AIG1: variants seen among roughly 807,000 people sequenced by gnomAD.
AIG1 encodes the protein androgen-induced gene 1 protein.
AIG1 carries 23 observed loss-of-function variants against 31.4 expected under a neutral mutation model. The ratio of observed to expected loss-of-function variants is 0.73; its 90% CI spans 0.53 to 1.04. The LOEUF is 1.04. Among genes scored for constraint, AIG1 ranks in the 50% least tolerant of loss-of-function variants. AIG1 has a pLI of 0.00. For synonymous variants in AIG1, 100 were observed against 110.5 expected (o/e 0.90, Z 0.60); for missense variants, 274 against 295.0 (o/e 0.93, Z 0.52).
chr6:143,148,608 T>C (rs747099062), intron 2 of AIG1, among the ~76,000 whole-genome samples: 20 of 152,214 alleles, frequency 1.3e-4, no homozygotes, highest in Non-Finnish European at 2.4e-4. Flanking sequence ...GGAGGATTGC[T>C]TGAAGCCAGG....
intron 3 of AIG1, among the ~76,000 whole-genome samples, chr6:143,227,705 A>G (rs1311005892): frequency 6.6e-6 from 1 of 152,110 alleles, no homozygotes; most frequent in Non-Finnish European, 1.5e-5. Context: ...TGATGCAAAA[A>G]CGAAGATTTA....
At chr6:143,213,508 C>CTTTTTT (rs746350692) in intron 3 of AIG1, among the ~76,000 whole-genome samples, 4 of 61,196 alleles carry the variant, frequency 6.5e-5, no homozygotes, top group Non-Finnish European at 7.0e-5. Context: ...TTTCTTTCTT[C>CTTTTTT]TTTTTTTTTT....
rs60620136 is a variant in AIG1, at chr6:143,143,500, C to CAA, written c.297+6538_297+6539dup. On this transcript the variant is annotated intron_variant, in intron 2 of 5. Transcript: ENST00000357847. ...TGGGTGACAGAGCGAGACTTCATCT[C>CAA]AAAAAAAAAAAAAAAAAAAAAAAAA... 1.7e-3 allele frequency among the ~76,000 whole-genome samples: 46 copies of CAA among 27,480 alleles called. 6 individuals carry two copies. Among genetic ancestry groups the CAA allele is most frequent in the East Asian group, 0.012 (2 of 162 alleles). 18.0% of individuals were successfully genotyped at this position (27,480 alleles called of 152,430 possible). A position where few individuals can be genotyped will look rare whatever the true frequency, so the allele number is the denominator to read the frequency against.
At chr6:143,300,494 C>T (rs11754065) in intron 4 of AIG1, among the ~76,000 whole-genome samples, 20,270 of 152,030 alleles carry the variant, frequency 0.13, 1,586 homozygotes, top group East Asian at 0.36. Context: ...GCCAGGATTC[C>T]CAGTGTAATC....
chr6:143,273,809 C>T (rs931164329), intron 3 of AIG1, among the ~76,000 whole-genome samples: 2 of 152,090 alleles, frequency 1.3e-5, no homozygotes, highest in African/African-American at 4.8e-5. Context: ...CAATTTTCTC[C>T]CACCAGGACC....
At position 143,297,122 on chromosome 6, in the gene AIG1, C is replaced by G. The variant is rs759315293; in HGVS notation, c.515+12897C>G. Among the ~76,000 whole-genome samples the G allele has an allele frequency of 1.3e-4, 20 of 152,304 alleles. No homozygotes were observed. Among genetic ancestry groups the G allele is most frequent in the Non-Finnish European group, 2.5e-4 (17 of 68,028 alleles). ...GAAAATAGAGTCTACGGAAGGTTCT[C>G]TAACCCAGACTTAGAGAGTTCTGAA... On this transcript the variant is annotated intron_variant, in intron 4 of 5. Transcript: ENST00000357847. This position sits in a 1 kb window ranked among gnomAD's most constrained non-coding sequence, Gnocchi z 5.1.
intron 3 of AIG1, among the ~76,000 whole-genome samples, chr6:143,273,382 C>G (rs1378452150): frequency 6.6e-6 from 1 of 152,190 alleles, no homozygotes; most frequent in African/African-American, 2.4e-5. Flanking sequence ...TGTCACTTTT[C>G]CGTGCTCTTT....
chr6:143,140,428 C>T (rs1026572814), intron 2 of AIG1, among the ~76,000 whole-genome samples: 1 of 152,186 alleles, frequency 6.6e-6, no homozygotes, highest in African/African-American at 2.4e-5. Context: ...TCTGTCTTCA[C>T]CGTGGCTTCA....
At chr6:143,083,452 G>T (rs1234115833) in intron 1 of AIG1, among the ~76,000 whole-genome samples, 1 of 152,190 alleles carries the variant, frequency 6.6e-6, no homozygotes, top group Non-Finnish European at 1.5e-5. Context: ...GTACAGGGAT[G>T]CAGAAAAAAG....
rs938764280 is a variant in AIG1, at chr6:143,268,393, G to A, written c.400-15717G>A. ...GATGGTCTAACGTGTGCCTTATTCA[G>A]CTGAATAAGGTGTTGAATAGCTACA... On this transcript the variant is annotated intron_variant, in intron 3 of 5. Coordinates refer to ENST00000357847, the MANE Select transcript of AIG1 (RefSeq NM_016108.4). This position sits in a 1 kb window ranked among gnomAD's most constrained non-coding sequence, Gnocchi z 5.0. Among the ~76,000 whole-genome samples, 2 of 152,254 alleles carry A rather than the reference G, an allele frequency of 1.3e-5. No individual in the cohort carries two copies. Among genetic ancestry groups the A allele is most frequent in the African/African-American group, 4.8e-5 (2 of 41,536 alleles).
chr6:143,341,598 A>T (rs1387803900), downstream of AIG1, among the ~76,000 whole-genome samples: 1 of 152,236 alleles, frequency 6.6e-6, no homozygotes, highest in Non-Finnish European at 1.5e-5. Flanking sequence ...ATGTGAGGGC[A>T]TGGGAAGAAG....
chr6:143,147,832 A>G (rs938651043), intron 2 of AIG1, among the ~76,000 whole-genome samples: 6 of 152,310 alleles, frequency 3.9e-5, no homozygotes, highest in Admixed American at 1.3e-4. Context: ...ACCTACAAAC[A>G]ACCCAAGAGC....
chr6:143,339,724 CCTT>C lies in AIG1; in HGVS notation c.*50_*52del. 6.3e-7 allele frequency: 1 copy of C among 1,598,920 alleles called. No individual in the cohort carries two copies. The highest frequency in any genetic ancestry group is 8.5e-7 in the Non-Finnish European group (1 of 1,170,208). On this transcript the variant is annotated 3_prime_UTR_variant, in exon 6 of 6. Coordinates refer to ENST00000357847, the MANE Select transcript of AIG1 (RefSeq NM_016108.4). The stretch of plus-strand genomic sequence containing the variant: ...CTAGATTGAGCCGCCATTGAAGACT[CCTT>C]CCCCTCGGGCATTGGCAGTGGGGGA...
chr6:143,323,866 C>T (rs1269332636), intron 4 of AIG1, among the ~76,000 whole-genome samples: 1 of 152,160 alleles, frequency 6.6e-6, no homozygotes, highest in Non-Finnish European at 1.5e-5. Context: ...AAAAATGGAG[C>T]AAGAAGCAGT....
chr6:143,264,069 C>A (rs1173687811), intron 3 of AIG1, among the ~76,000 whole-genome samples: 1 of 152,146 alleles, frequency 6.6e-6, no homozygotes, highest in Non-Finnish European at 1.5e-5. Context: ...TTTATTCTTG[C>A]AACATGACAG....
At chr6:143,212,273 C>T (rs1174854413) in intron 3 of AIG1, among the ~76,000 whole-genome samples, 1 of 152,158 alleles carries the variant, frequency 6.6e-6, no homozygotes, top group Non-Finnish European at 1.5e-5. Context: ...ATGCTTCGAG[C>T]CCATTCTTCT....
intron 3 of AIG1, among the ~76,000 whole-genome samples, chr6:143,226,236 A>G (rs1011163169): frequency 2.9e-5 from 4 of 138,452 alleles, no homozygotes; most frequent in African/African-American, 1.0e-4. Context: ...CTTCTTAACT[A>G]TATATATATA....
intron 1 of AIG1, among the ~76,000 whole-genome samples, chr6:143,070,440 T>C (rs959758614): frequency 5.3e-4 from 80 of 152,316 alleles, no homozygotes; most frequent in East Asian, 1.9e-4. Context: ...TTGTGAATGG[T>C]ATTTTTAATT....
Position 143,291,452 on chromosome 6 carries a change from C to A in AIG1, c.515+7227C>A, listed in dbSNP as rs1798052991. 6.6e-6 allele frequency among the ~76,000 whole-genome samples: 1 copy of A among 152,220 alleles called. No homozygotes were observed. Among genetic ancestry groups the A allele is most frequent in the East Asian group, 1.9e-4 (1 of 5,176 alleles). On this transcript the variant is annotated intron_variant, in intron 4 of 5. Coordinates refer to ENST00000357847, the MANE Select transcript of AIG1 (RefSeq NM_016108.4). This position sits in a 1 kb window ranked among gnomAD's most constrained non-coding sequence, Gnocchi z 4.2. ...TTCATTTCAGAAACCCTTCAGAGAC[C>A]CCTGCAAACCTCACACTTATGCACC...
Sources: gnomAD v4.1 joint callset for allele counts (sites outside exome capture counted in the v4.1 genomes callset) on GRCh38, gnomAD v4.1.1 for gene constraint, Gnocchi (gnomAD v3.1) non-coding constraint, MANE v1.5 for transcripts, NCBI Gene and HGNC (gene_info 2026-07-23, HGNC 2026-07-21) for gene names.